Variants in ZNF75D observed in about 807,000 individuals in gnomAD.
ZNF75D encodes the protein zinc finger protein 75D.
Under a neutral mutation model 33.3 loss-of-function variants are expected in ZNF75D, and 33 were observed. The ratio of observed to expected loss-of-function variants is 0.99; its 90% CI spans 0.75 to 1.32. ZNF75D has a LOEUF of 1.32. ZNF75D is among the 40% of genes most tolerant of loss of function. ZNF75D has a pLI of 0.00. For synonymous variants in ZNF75D, 113 were observed against 130.6 expected, an observed-to-expected ratio of 0.87 and a Z score of 0.92; for missense variants, 338 against 367.5, an observed-to-expected ratio of 0.92 and a Z score of 0.66.
chrX:135,275,716 T>G (rs1176461556), intron 1 of ZNF75D, among the ~76,000 whole-genome samples: 1 of 110,979 alleles, frequency 9.0e-6, no homozygotes, highest in African/African-American at 3.3e-5. Context: ...GTTCTGTGAA[T>G]CGATATTTTG....
chrX:135,314,553 T>G (rs916459274), intron 1 of ZNF75D, among the ~76,000 whole-genome samples: 20 of 111,879 alleles, frequency 1.8e-4, no homozygotes, highest in African/African-American at 6.5e-4. Flanking sequence ...TTGAGAAGGA[T>G]TGGTATTGCT....
intron 1 of ZNF75D, chrX:135,327,914 T>G (rs2084602283): frequency 8.9e-6 from 1 of 112,143 alleles, no homozygotes; most frequent in Admixed American, 9.4e-5. Context: ...AATACACAAT[T>G]CATGTAAATG....
chrX:135,306,695 T>C (rs2084291339), intron 1 of ZNF75D, among the ~76,000 whole-genome samples: 1 of 112,455 alleles, frequency 8.9e-6, no homozygotes, highest in Non-Finnish European at 1.9e-5. Flanking sequence ...AAAAATGTAG[T>C]ATTTTAAAAT....
chrX:135,259,289 C>G (rs897440893), intron 1 of ZNF75D, among the ~76,000 whole-genome samples: 13 of 111,204 alleles, frequency 1.2e-4, no homozygotes, highest in African/African-American at 3.9e-4. Flanking sequence ...CTCTTTTTTG[C>G]TTCCATATGA....
chrX:135,318,713 G>C (rs1179260985), intron 1 of ZNF75D, among the ~76,000 whole-genome samples: 9 of 111,170 alleles, frequency 8.1e-5, no homozygotes, highest in Admixed American at 7.6e-4. Flanking sequence ...GCCTTAAAAT[G>C]TTCCTACCAT....
At chrX:135,317,223 T>C (rs1207912274) in intron 1 of ZNF75D, among the ~76,000 whole-genome samples, 1 of 111,913 alleles carries the variant, frequency 8.9e-6, no homozygotes, top group Non-Finnish European at 1.9e-5. Flanking sequence ...GTATGATTTC[T>C]TTGGCTATAA....
chrX:135,314,603 A>G (rs1208712175), intron 1 of ZNF75D, among the ~76,000 whole-genome samples: 1 of 111,464 alleles, frequency 9.0e-6, no homozygotes, highest in Non-Finnish European at 1.9e-5. Flanking sequence ...GAACCTATCC[A>G]ACCCCAGACT....
At chrX:135,339,340 C>T (rs2084754969) in intron 1 of ZNF75D, among the ~76,000 whole-genome samples, 1 of 112,138 alleles carries the variant, frequency 8.9e-6, no homozygotes, top group African/African-American at 3.2e-5. Context: ...CTCAGTGCCT[C>T]TGTGGATTCT....
At chrX:135,319,261 G>A (rs927256584) in intron 1 of ZNF75D, among the ~76,000 whole-genome samples, 3 of 112,444 alleles carry the variant, frequency 2.7e-5, no homozygotes, top group Non-Finnish European at 5.6e-5. Context: ...CTGTCCTTGC[G>A]AAGCATGCTT....
rs1032152886 is a variant in ZNF75D, at chrX:135,343,578, G to A, written c.-2201C>T. 2.7e-5 allele frequency: 3 copies of A among 111,868 alleles called. No homozygotes were observed. The highest frequency in any genetic ancestry group is 9.8e-5 in the African/African-American group (3 of 30,736). The allele number at this position is 111,868 out of a possible 1,213,427, so 9.2% of individuals were successfully genotyped here. A position where few individuals can be genotyped will look rare whatever the true frequency, so the allele number is the denominator to read the frequency against. Reference sequence around the variant, plus strand: ...TGGGAGGCCGCCAAGCTAGACCTTGGGTCGGGCGGGAGCAGCAGGAGTTCT... The same window carrying A: ...TGGGAGGCCGCCAAGCTAGACCTTGAGTCGGGCGGGAGCAGCAGGAGTTCT... On this transcript the variant is annotated 5_prime_UTR_variant, in exon 1 of 7. Transcript: ENST00000370766.
At chrX:135,293,627 C>T in intron 3 of ZNF75D, 103 bp downstream of exon 3, 1 of 822,554 alleles carries the variant, frequency 1.2e-6, no homozygotes, top group Non-Finnish European at 1.7e-6. Flanking sequence ...AAAGGAGCAA[C>T]AGAAGAGCGA....
chrX:135,268,726 C>G (rs901187444), intron 1 of ZNF75D, among the ~76,000 whole-genome samples: 6 of 110,312 alleles, frequency 5.4e-5, no homozygotes, highest in Admixed American at 9.7e-5. Context: ...TGACATTCTT[C>G]ACAAAAATAG....
chrX:135,276,591 C>A (rs2083899978), intron 1 of ZNF75D, among the ~76,000 whole-genome samples: 1 of 111,177 alleles, frequency 9.0e-6, no homozygotes. Context: ...CTGCACCCAT[C>A]AACCCATCAT....
chrX:135,257,822 TATC>T, intron 1 of ZNF75D, among the ~76,000 whole-genome samples: 1 of 111,854 alleles, frequency 8.9e-6, no homozygotes, highest in Non-Finnish European at 1.9e-5. Context: ...TTATTATTAT[TATC>T]ATCATTATTA....
intron 1 of ZNF75D, among the ~76,000 whole-genome samples, chrX:135,310,464 A>C (rs1296905068): frequency 8.9e-6 from 1 of 112,250 alleles, no homozygotes; most frequent in Admixed American, 9.4e-5. Context: ...GAGAGCAAAG[A>C]GGTCAGAGCC....
chrX:135,339,566 A>G (rs1176043048), intron 1 of ZNF75D, among the ~76,000 whole-genome samples: 1 of 111,440 alleles, frequency 9.0e-6, no homozygotes, highest in African/African-American at 3.3e-5. Context: ...GGAATTCCCA[A>G]CCTTTCATGG....
intron 1 of ZNF75D, among the ~76,000 whole-genome samples, chrX:135,331,993 C>G (rs1346170145): frequency 2.7e-5 from 3 of 111,428 alleles, no homozygotes; most frequent in African/African-American, 9.8e-5. Flanking sequence ...GGTAGAAGGG[C>G]CTCCTGGGTG....
chrX:135,300,243 T>C (rs782397911), intron 1 of ZNF75D, among the ~76,000 whole-genome samples: 1 of 111,558 alleles, frequency 9.0e-6, no homozygotes, highest in Non-Finnish European at 1.9e-5. Context: ...TGATCAAAAG[T>C]TGGCCCTTTC....
intron 1 of ZNF75D, among the ~76,000 whole-genome samples, chrX:135,337,725 G>C (rs1037629147): frequency 9.0e-6 from 1 of 110,889 alleles, no homozygotes; most frequent in Non-Finnish European, 1.9e-5. Flanking sequence ...CCAAGCAGTC[G>C]TCAAATGCTT....
Sources: gnomAD v4.1 joint callset for allele counts (sites outside exome capture counted in the v4.1 genomes callset) on GRCh38, gnomAD v4.1.1 for gene constraint, MANE v1.5 for transcripts, NCBI Gene and HGNC (gene_info 2026-07-23, HGNC 2026-07-21) for gene names.